EFEMP1: variants seen among roughly 807,000 people sequenced by gnomAD.
EFEMP1 encodes EGF-like fibulin extracellular matrix protein 1.
In EFEMP1, 18 loss-of-function variants were observed where a neutral mutation model predicts 65.7. That is an observed-to-expected ratio of 0.27 (90% CI 0.19 to 0.41). The LOEUF (loss-of-function observed/expected upper bound fraction) is 0.41. EFEMP1 is among the 10% of genes least tolerant of loss of function. EFEMP1 has a pLI of 1.00. For synonymous variants in EFEMP1, 237 were observed against 219.7 expected (o/e 1.08, Z -0.70); for missense variants, 469 against 624.8 (o/e 0.75, Z 2.66).
intron 6 of EFEMP1, among the ~76,000 whole-genome samples, chr2:55,879,559 CTG>C (rs1201753345): frequency 6.6e-6 from 1 of 152,152 alleles, no homozygotes; most frequent in Admixed American, 6.5e-5. Flanking sequence ...TTTGCTGGTA[CTG>C]TGTTTGGCAC....
Position 55,923,060 on chromosome 2 carries a change from C to G in EFEMP1, c.-48-121G>C. 1 of 619,414 alleles carries G rather than the reference C, an allele frequency of 1.6e-6. No individual in the cohort carries two copies. The highest frequency in any genetic ancestry group is 2.0e-5 in the African/African-American group (1 of 49,954). 38.4% of individuals were successfully genotyped at this position (619,414 alleles called of 1,614,324 possible). On this transcript the variant is annotated intron_variant, in intron 1 of 11. Transcript: ENST00000355426. This position sits in a 1 kb window ranked among gnomAD's most constrained non-coding sequence, Gnocchi z 5.3. ...GAATACTAGACCTTCTCACATGTCT[C>G]AGAGCTTCTCACATCCCCCAGCACA...
chr2:55,875,838 C>G (rs1418081954), intron 8 of EFEMP1, among the ~76,000 whole-genome samples: 4 of 151,576 alleles, frequency 2.6e-5, no homozygotes, highest in Admixed American at 2.0e-4. Context: ...AGTGATGTCC[C>G]TACAGTTTAC....
chr2:55,880,614 G>A (rs1261969921), intron 6 of EFEMP1, among the ~76,000 whole-genome samples: 1 of 152,180 alleles, frequency 6.6e-6, no homozygotes, highest in Non-Finnish European at 1.5e-5. Flanking sequence ...ACATTCTCAG[G>A]CGAAAACTGA....
At chr2:55,887,218 C>G (rs193175217) in intron 5 of EFEMP1, among the ~76,000 whole-genome samples, 43 of 152,234 alleles carry the variant, frequency 2.8e-4, no homozygotes, top group Admixed American at 1.1e-3. Context: ...AGCAGAGATT[C>G]AAACACCAGA....
At chr2:55,913,749 C>A (rs568212177) in intron 5 of EFEMP1, among the ~76,000 whole-genome samples, 1 of 152,180 alleles carries the variant, frequency 6.6e-6, no homozygotes, top group Non-Finnish European at 1.5e-5. Flanking sequence ...GTGGCTCAGG[C>A]CTGTAACACC....
In EFEMP1 at chr2:55,871,272, T is replaced by C; in HGVS notation, c.1001-149A>G. The C allele has an allele frequency of 1.9e-6, 2 of 1,045,042 alleles. No homozygotes were observed. Among genetic ancestry groups the C allele is most frequent in the Non-Finnish European group, 2.9e-6 (2 of 697,432 alleles). The allele number at this position is 1,045,042 out of a possible 1,614,324, so 64.7% of individuals were successfully genotyped here. A position where few individuals can be genotyped will look rare whatever the true frequency, so the allele number is the denominator to read the frequency against. On this transcript the variant is annotated intron_variant, in intron 9 of 11. Coordinates refer to ENST00000355426, the MANE Select transcript of EFEMP1 (RefSeq NM_001039348.3). The surrounding 1 kb of genome is among the most constrained non-coding windows in gnomAD (Gnocchi z 4.2). Reference sequence around the variant, plus strand: ...CTGCTTTTAGACACAAGACTGGGTGTTCATTGTATTGAATTCAGGACAGAC... The same window carrying C: ...CTGCTTTTAGACACAAGACTGGGTGCTCATTGTATTGAATTCAGGACAGAC...
Position 55,871,201 on chromosome 2 carries a change from C to A in EFEMP1, c.1001-78G>T, listed in dbSNP as rs1297943702. ...AATTAAATCATATAACTGGCAGATT[C>A]TGTTTGCAAGGAAGGAGGTGTGAGA... On this transcript the variant is annotated intron_variant, in intron 9 of 11. Coordinates refer to ENST00000355426, the MANE Select transcript of EFEMP1 (RefSeq NM_001039348.3). The surrounding 1 kb of genome is among the most constrained non-coding windows in gnomAD (Gnocchi z 4.2). 3.1e-6 allele frequency: 5 copies of A among 1,599,710 alleles called. No homozygotes were observed. The highest frequency in any genetic ancestry group is 1.1e-5 in the South Asian group (1 of 90,618).
chr2:55,922,607 A>T lies in EFEMP1; in HGVS notation c.-7-160T>A. On this transcript the variant is annotated intron_variant, in intron 2 of 11. Transcript: ENST00000355426. The surrounding 1 kb of genome is among the most constrained non-coding windows in gnomAD (Gnocchi z 5.5). The stretch of plus-strand genomic sequence containing the variant: ...TTTCTCATCTCCCCTCCCCCTCCTG[A>T]ACCTTCTCGGTAGCCAACGAACGAG... The T allele has an allele frequency of 1.4e-6, 1 of 713,228 alleles. No homozygotes were observed. The highest frequency in any genetic ancestry group is 2.4e-6 in the Non-Finnish European group (1 of 416,184). The allele number at this position is 713,228 out of a possible 1,614,324, so 44.2% of individuals were successfully genotyped here. A position where few individuals can be genotyped will look rare whatever the true frequency, so the allele number is the denominator to read the frequency against.
chr2:55,908,378 T>A (rs189772730), intron 5 of EFEMP1, among the ~76,000 whole-genome samples: 1 of 152,146 alleles, frequency 6.6e-6, no homozygotes, highest in East Asian at 1.9e-4. Context: ...AAATGTACAA[T>A]CTGAAAAAGT....
Position 55,917,791 on chromosome 2 carries a change from G to A in EFEMP1, c.391C>T (p.Gln131Ter), listed in dbSNP as rs1188366176. 1 of 1,614,082 alleles carries A rather than the reference G, an allele frequency of 6.2e-7. No individual in the cohort carries two copies. Among genetic ancestry groups the A allele is most frequent in the Non-Finnish European group, 8.5e-7 (1 of 1,180,042 alleles). ...SAAAVAGPEM[Q>*]TGRNNFVIRR... ...ATGACAAAGTTATTTCGGCCAGTCT[G>A]CATTTCAGGGCCTGCGACTGCAGCA... is the stretch of plus-strand genomic sequence containing the variant. Residue 131 changes from glutamine to a stop codon, truncating the protein, a stop_gained, in exon 5 of 12, where the codon CAG becomes TAG. Coordinates refer to ENST00000355426, the MANE Select transcript of EFEMP1 (RefSeq NM_001039348.3). LOFTEE classifies it high-confidence loss of function. The surrounding 1 kb of genome is among the most constrained non-coding windows in gnomAD (Gnocchi z 6.3).
intron 7 of EFEMP1, 55 bp from the exon 8 acceptor site, chr2:55,876,797 T>C (rs911131323): frequency 3.9e-5 from 41 of 1,042,174 alleles, no homozygotes; most frequent in African/African-American, 5.1e-5. Flanking sequence ...TACACACACA[T>C]ATATATATAG....
rs1246146538 is a variant in EFEMP1, at chr2:55,886,646, C to T, written c.518-4912G>A. Among the ~76,000 whole-genome samples the T allele has an allele frequency of 6.6e-6, 1 of 152,142 alleles. No individual in the cohort carries two copies. Among genetic ancestry groups the T allele is most frequent in the Non-Finnish European group, 1.5e-5 (1 of 68,030 alleles). ...ACATTCTTAATGATTTAGATACCCA[C>T]CTGCTCAAAATGATTGCTCCCAATC... On this transcript the variant is annotated intron_variant, in intron 5 of 11. Transcript: ENST00000355426. The surrounding 1 kb of genome is among the most constrained non-coding windows in gnomAD (Gnocchi z 4.0).
intron 11 of EFEMP1, among the ~76,000 whole-genome samples, chr2:55,869,653 A>C (rs1304840738): frequency 1.3e-5 from 2 of 152,188 alleles, no homozygotes; most frequent in African/African-American, 4.8e-5. Context: ...ACAAGGATGA[A>C]TTTCCCAATT....
intron 5 of EFEMP1, among the ~76,000 whole-genome samples, chr2:55,882,400 A>G (rs1366799383): frequency 3.9e-5 from 6 of 152,148 alleles, no homozygotes; most frequent in Admixed American, 2.6e-4. Context: ...TTAAAAATCC[A>G]TATTTTCTCA....
chr2:55,901,195 A>G (rs1265570020), intron 5 of EFEMP1, among the ~76,000 whole-genome samples: 2 of 152,236 alleles, frequency 1.3e-5, no homozygotes, highest in Admixed American at 1.3e-4. Flanking sequence ...TAACAAACAC[A>G]AATATTGGAA....
chr2:55,905,631 TAG>T (rs750097106), intron 5 of EFEMP1, among the ~76,000 whole-genome samples: 1 of 152,126 alleles, frequency 6.6e-6, no homozygotes, highest in Non-Finnish European at 1.5e-5. Flanking sequence ...GTATTTTTAG[TAG>T]AGACAGGGTT....
Position 55,918,253 on chromosome 2 carries a change from T to A in EFEMP1, c.96A>T (p.Gly32=). 6.2e-7 allele frequency: 1 copy of A among 1,614,188 alleles called. No individual in the cohort carries two copies. Among genetic ancestry groups the A allele is most frequent in the Non-Finnish European group, 8.5e-7 (1 of 1,180,026 alleles). ...ETITYTQCTD[G]YEWDPVRQQC... ...GCTGTCTCACAGGATCCCACTCATA[T>A]CCGTCAGTGCATTGCTGTGAAGAAA... is the stretch of plus-strand genomic sequence containing the variant. The change falls in exon 4 of 12, where the codon GGA becomes GGT. Residue 32 remains glycine (G), a synonymous_variant. Coordinates refer to ENST00000355426, the MANE Select transcript of EFEMP1 (RefSeq NM_001039348.3).
In EFEMP1 at chr2:55,873,579, A is replaced by G. The variant is rs1405102741; in HGVS notation, c.1000+1367T>C. Among the ~76,000 whole-genome samples, 2 of 152,056 alleles carry G rather than the reference A, an allele frequency of 1.3e-5. No individual in the cohort carries two copies. The highest frequency in any genetic ancestry group is 2.9e-5 in the Non-Finnish European group (2 of 67,960). On this transcript the variant is annotated intron_variant, in intron 9 of 11. Coordinates refer to ENST00000355426, the MANE Select transcript of EFEMP1 (RefSeq NM_001039348.3). The surrounding 1 kb of genome is among the most constrained non-coding windows in gnomAD (Gnocchi z 4.6). ...ACTAGCTAACATTTTCTTGCATGTAATATGCATGTTGAAAGTCTCAATTAG... is the reference window on the plus strand; with the variant it reads ...ACTAGCTAACATTTTCTTGCATGTAGTATGCATGTTGAAAGTCTCAATTAG...
intron 5 of EFEMP1, among the ~76,000 whole-genome samples, chr2:55,902,787 G>A (rs904463668): frequency 6.6e-6 from 1 of 152,168 alleles, no homozygotes; most frequent in African/African-American, 2.4e-5. Context: ...TCCCAAGGTG[G>A]ATTTTGACTT....
Sources: allele counts gnomAD v4.1 joint callset (sites outside exome capture counted in the v4.1 genomes callset), GRCh38; gene constraint gnomAD v4.1.1; non-coding constraint Gnocchi (gnomAD v3.1); transcripts MANE v1.5; gene names NCBI Gene and HGNC (gene_info 2026-07-23, HGNC 2026-07-21).